CHDH: variants seen among roughly 807,000 people sequenced by gnomAD.
The protein encoded by CHDH is choline dehydrogenase, mitochondrial.
A neutral mutation model predicts 56.9 loss-of-function variants in CHDH; 43 were observed. That is an observed-to-expected ratio of 0.76 (90% confidence interval 0.59 to 0.97). The LOEUF (loss-of-function observed/expected upper bound fraction) is 0.97. Ranked by LOEUF, CHDH falls within the 50% of genes least tolerant of loss-of-function variation. The pLI, the probability that CHDH is intolerant of heterozygous loss-of-function variation, is 0.00. For missense variants in CHDH, 816 were observed against 821.1 expected (o/e 0.99, Z 0.08); for synonymous variants, 364 against 348.5 (o/e 1.04, Z -0.50).
At chr3:53,827,272 C>G (rs1201779881) in intron 2 of CHDH, among the ~76,000 whole-genome samples, 1 of 152,128 alleles carries the variant, frequency 6.6e-6, no homozygotes, top group Non-Finnish European at 1.5e-5. Context: ...GGCACCTCCC[C>G]TCCTCTCTCT....
intron 2 of CHDH, among the ~76,000 whole-genome samples, chr3:53,834,859 T>A (rs1698447425): frequency 6.6e-6 from 1 of 152,234 alleles, no homozygotes; most frequent in Non-Finnish European, 1.5e-5. Flanking sequence ...CAGTCCTAGC[T>A]TTCACTGGTC....
Position 53,822,539 on chromosome 3 carries a change from G to C in CHDH, c.807C>G (p.Gly269=), listed in dbSNP as rs771522479. The part of the protein sequence containing the change: ...ETLVSRVLFE[G]TRAVGVEYVK... Reference sequence around the variant, plus strand: ...CATACTCCACGCCCACTGCACGGGTGCCCTCAAATAGCACCCTGCTCACAA... The same window carrying C: ...CATACTCCACGCCCACTGCACGGGTCCCCTCAAATAGCACCCTGCTCACAA... Residue 269 remains glycine (G), a synonymous_variant, in exon 4 of 9, where the codon GGC becomes GGG. Coordinates refer to ENST00000315251, the MANE Select transcript of CHDH (RefSeq NM_018397.5). The C allele has an allele frequency of 1.2e-5, 20 of 1,613,572 alleles. No homozygotes were observed. Among genetic ancestry groups the C allele is most frequent in the Non-Finnish European group, 1.6e-5 (19 of 1,180,000 alleles).
rs114687324 is a variant in CHDH at position 53,836,344 on chromosome 3, G to C, written c.-60+4585C>G. ...CCTAAGCCCGACCAGGCCAGGCCCC[G>C]GCCTCTGTAGCCATCATCCCACTGT... On this transcript the variant is annotated intron_variant, in intron 2 of 8. Transcript: ENST00000315251. Among the ~76,000 whole-genome samples, 1,138 of 152,306 alleles carry C rather than the reference G, an allele frequency of 7.5e-3. 15 individuals are homozygous for C. Among genetic ancestry groups the C allele is most frequent in the African/African-American group, 0.025 (1,045 of 41,566 alleles).
chr3:53,837,971 C>T (rs908615283), intron 2 of CHDH, among the ~76,000 whole-genome samples: 2 of 142,888 alleles, frequency 1.4e-5, no homozygotes, highest in African/African-American at 5.3e-5. Context: ...GCAAAAGAAT[C>T]GCTTGAACCT....
chr3:53,829,328 T>C (rs1380203058), intron 2 of CHDH, among the ~76,000 whole-genome samples: 1 of 152,192 alleles, frequency 6.6e-6, no homozygotes, highest in Non-Finnish European at 1.5e-5. Context: ...CAGGTCATTT[T>C]TGTCCAAACC....
intron 1 of CHDH, among the ~76,000 whole-genome samples, chr3:53,843,611 C>T (rs1394680114): frequency 6.6e-6 from 1 of 152,118 alleles, no homozygotes. Flanking sequence ...CAGGCTCAGG[C>T]ACTGGCCTTG....
Position 53,818,250 on chromosome 3 carries a change from C to CT in CHDH, c.1367-56dup, listed in dbSNP as rs372530562. The CT allele has an allele frequency of 7.2e-5, 106 of 1,470,574 alleles. 1 individual carries two copies. In the African/African-American group the frequency reaches 1.4e-3, roughly 19 times the overall value. 91.1% of individuals were successfully genotyped at this position (1,470,574 alleles called of 1,614,324 possible). Reference sequence around the variant, plus strand: ...CCTCCTTTTGCCCGTGCTGGCCTCACTGGAAGATTCACGGCATGGAGAGGC... The same window carrying CT: ...CCTCCTTTTGCCCGTGCTGGCCTCACTTGGAAGATTCACGGCATGGAGAGGC... On this transcript the variant is annotated intron_variant, in intron 8 of 8. Transcript: ENST00000315251.
Position 53,819,192 on chromosome 3 carries a change from C to T in CHDH, c.1264-152G>A. 1 of 628,036 alleles carries T rather than the reference C, an allele frequency of 1.6e-6. No homozygotes were observed. The highest frequency in any genetic ancestry group is 2.7e-5 in the East Asian group (1 of 36,688). 38.9% of individuals were successfully genotyped at this position (628,036 alleles called of 1,614,324 possible). A position where few individuals can be genotyped will look rare whatever the true frequency, so the allele number is the denominator to read the frequency against. On this transcript the variant is annotated intron_variant, in intron 7 of 8. Transcript: ENST00000315251. The surrounding 1 kb of genome is among the most constrained non-coding windows in gnomAD (Gnocchi z 5.4). ...CATTTGCCCGCATGGTACCCACCTC[C>T]ACGAGTGATTACAGACCACCTCAAG...
chr3:53,821,140 C>G (rs1334039626), intron 5 of CHDH, among the ~76,000 whole-genome samples: 1 of 152,274 alleles, frequency 6.6e-6, no homozygotes, highest in Non-Finnish European at 1.5e-5. Flanking sequence ...AGGCCTAGCC[C>G]TCCCGGAGTG....
chr3:53,845,107 G>T (rs959892365), intron 1 of CHDH, among the ~76,000 whole-genome samples: 1 of 152,258 alleles, frequency 6.6e-6, no homozygotes, highest in African/African-American at 2.4e-5. Flanking sequence ...ACTCAGAGAG[G>T]TGGAATGAGG....
At chr3:53,822,470 C>T (rs774057195) in intron 4 of CHDH, 21 bp downstream of exon 4, 33 of 1,595,644 alleles carry the variant, frequency 2.1e-5, no homozygotes, top group Admixed American at 3.4e-5. Flanking sequence ...TCTTCCAGGA[C>T]CCCAGCTGCA....
At chr3:53,840,721 T>C (rs1698646719) in intron 2 of CHDH, among the ~76,000 whole-genome samples, 1 of 152,168 alleles carries the variant, frequency 6.6e-6, no homozygotes, top group Non-Finnish European at 1.5e-5. Context: ...TTGTAGTTGT[T>C]GTTTGTTTGA....
intron 5 of CHDH, among the ~76,000 whole-genome samples, 196 bp from the exon 6 acceptor site, chr3:53,820,804 C>T (rs896362619): frequency 6.6e-6 from 1 of 152,258 alleles, no homozygotes; most frequent in African/African-American, 2.4e-5. Context: ...TGGCCTGCCT[C>T]GGATGCTGCC....
chr3:53,820,602 C>T lies in CHDH; in HGVS notation c.992G>A (p.Gly331Asp), dbSNP rs1306749475. ...CTCCAGGTGGTCTTGCAGGTTCTGG[C>T]CAACCCCTGATACGGGAAGGAGTGG... ...IPVVCHLPGV[G>D]QNLQDHLEIY... The change falls in exon 6 of 9, where the codon GGC (glycine) becomes GAC (aspartate). Residue 331 changes from glycine to aspartate, a missense_variant. Physicochemically the swap from Gly to Asp is moderately conservative, Grantham distance 94. Coordinates refer to ENST00000315251, the MANE Select transcript of CHDH (RefSeq NM_018397.5). 2 of 1,608,950 alleles carry T rather than the reference C, an allele frequency of 1.2e-6. No individual in the cohort carries two copies. The highest frequency in any genetic ancestry group is 1.7e-6 in the Non-Finnish European group (2 of 1,177,782).
chr3:53,838,279 C>G (rs2106982913), intron 2 of CHDH, among the ~76,000 whole-genome samples: 1 of 152,254 alleles, frequency 6.6e-6, no homozygotes, highest in Non-Finnish European at 1.5e-5. Flanking sequence ...ACAGAGGTCG[C>G]TGCTGGGGAG....
chr3:53,821,912 C>G lies in CHDH; in HGVS notation c.856-136G>C, dbSNP rs2095627321. On this transcript the variant is annotated intron_variant, in intron 4 of 8. Coordinates refer to ENST00000315251, the MANE Select transcript of CHDH (RefSeq NM_018397.5). Reference sequence around the variant, plus strand: ...ATCCTGTGGCACACCCGGGACAGGCCCCAGAGCTAAGGAGAGGAAACTCAC... The same window carrying G: ...ATCCTGTGGCACACCCGGGACAGGCGCCAGAGCTAAGGAGAGGAAACTCAC... 4.3e-6 allele frequency: 5 copies of G among 1,151,022 alleles called. No individual in the cohort carries two copies. In the Admixed American group the frequency reaches 7.5e-5, roughly 17 times the overall value. 71.3% of individuals were successfully genotyped at this position (1,151,022 alleles called of 1,614,324 possible). A position where few individuals can be genotyped will look rare whatever the true frequency, so the allele number is the denominator to read the frequency against.
rs1382839591 is a variant in CHDH at position 53,820,643 on chromosome 3, C to G, written c.986-35G>C. 1.9e-6 allele frequency: 3 copies of G among 1,593,882 alleles called. No homozygotes were observed. In the South Asian group the frequency reaches 3.4e-5, roughly 18 times the overall value. ...GAAGGAGTGGTTTAGAAAATGGCTA[C>G]CAAGGGGGCTCAGCTGCTTCTCAAT... On this transcript the variant is annotated intron_variant, in intron 5 of 8. Transcript: ENST00000315251.
chr3:53,836,982 A>C (rs1698516118), intron 2 of CHDH, among the ~76,000 whole-genome samples: 2 of 152,196 alleles, frequency 1.3e-5, no homozygotes, highest in Non-Finnish European at 2.9e-5. Flanking sequence ...GAGGAGTTGA[A>C]GACCAGCCTG....
At position 53,823,427 on chromosome 3, in the gene CHDH, G is replaced by A; in HGVS notation, c.582C>T (p.Thr194=). ...GGAATGCGCAGTGCAGCGGGTGGTT[G>A]GTCTTGCCCCGGGACACCCGCAGCG... ...DGPLRVSRGK[T]NHPLHCAFLE... The change falls in exon 3 of 9, where the codon ACC becomes ACT. Residue 194 remains threonine, a synonymous_variant. Coordinates refer to ENST00000315251, the MANE Select transcript of CHDH (RefSeq NM_018397.5). 6.3e-7 allele frequency: 1 copy of A among 1,585,784 alleles called. No individual in the cohort carries two copies. The highest frequency in any genetic ancestry group is 8.6e-7 in the Non-Finnish European group (1 of 1,166,176).
Sources: allele counts gnomAD v4.1 joint callset (sites outside exome capture counted in the v4.1 genomes callset), GRCh38; gene constraint gnomAD v4.1.1; non-coding constraint Gnocchi (gnomAD v3.1); transcripts MANE v1.5; gene names NCBI Gene and HGNC (gene_info 2026-07-23, HGNC 2026-07-21).